Variants in PFKFB3 observed in about 807,000 individuals in gnomAD.
PFKFB3 encodes 6-phosphofructo-2-kinase/fructose-2,6-biphosphatase 3.
A neutral mutation model predicts 68.0 loss-of-function variants in PFKFB3; 33 were observed. That is an observed-to-expected ratio of 0.49 (90% CI 0.37 to 0.65). The LOEUF (loss-of-function observed/expected upper bound fraction) is 0.65. Among genes scored for constraint, PFKFB3 ranks in the 30% least tolerant of loss-of-function variants. PFKFB3 has a pLI of 0.00. For missense variants in PFKFB3, 586 were observed against 712.2 expected, an observed-to-expected ratio of 0.82 and a Z score of 2.02; for synonymous variants, 315 against 288.2, an observed-to-expected ratio of 1.09 and a Z score of -0.94.
At chr10:6,188,865 C>A (rs1042212920) in intron 1 of PFKFB3, among the ~76,000 whole-genome samples, 7 of 140,300 alleles carry the variant, frequency 5.0e-5, no homozygotes, top group Non-Finnish European at 1.1e-4. Context: ...GACGGAGTCT[C>A]GCTCTGTCCC....
the PFKFB3 span, chr10:6,293,852 C>T: frequency 2.0e-5 from 8 of 397,240 alleles, 1 homozygote; most frequent in South Asian, 1.8e-4. Context: ...CTCAGACCAA[C>T]CAATAAGGTT....
rs562609481 is a variant in PFKFB3 at position 6,210,567 on chromosome 10, C to T, written c.77-3056C>T. On this transcript the variant is annotated intron_variant, in intron 1 of 14. Transcript: ENST00000379775. ...AATAGACGGGGTTTCGCCATGTTAG[C>T]CAGGATAGTCTTGATAGTGTTTTTA... is the stretch of plus-strand genomic sequence containing the variant. Among the ~76,000 whole-genome samples the T allele has an allele frequency of 6.9e-5, 5 of 72,246 alleles. 1 individual carries two copies. Among genetic ancestry groups the T allele is most frequent in the Admixed American group, 6.0e-4 (4 of 6,620 alleles). The allele number at this position is 72,246 out of a possible 152,430, so 47.4% of individuals were successfully genotyped here.
intron 2 of PFKFB3, among the ~76,000 whole-genome samples, chr10:6,214,988 G>A (rs1027372871): frequency 1.6e-4 from 25 of 152,242 alleles, no homozygotes; most frequent in African/African-American, 6.0e-4. Flanking sequence ...GTGTCGCAGA[G>A]CATGCGGCAG....
chr10:6,166,699 T>C (rs1166278261), intron 1 of PFKFB3, among the ~76,000 whole-genome samples: 2 of 152,176 alleles, frequency 1.3e-5, no homozygotes, highest in African/African-American at 4.8e-5. Context: ...ATTGCCCCTT[T>C]AACAAGGGGC....
chr10:6,238,684 CCA>C (rs537124311), downstream of PFKFB3, among the ~76,000 whole-genome samples: 44 of 151,856 alleles, frequency 2.9e-4, no homozygotes, highest in African/African-American at 1.0e-3. Flanking sequence ...AAGCTAGTAC[CCA>C]TTAGTTATTT....
At chr10:6,222,652 C>G in intron 10 of PFKFB3, 2 of 457,390 alleles carry the variant, frequency 4.4e-6, no homozygotes, top group South Asian at 5.6e-5. Flanking sequence ...CAGGTTCCCC[C>G]GTGTGGGAGC....
chr10:6,257,545 T>A (rs11257602), downstream of PFKFB3, among the ~76,000 whole-genome samples: 3,442 of 152,116 alleles, frequency 0.023, 65 homozygotes, highest in Non-Finnish European at 0.038. Flanking sequence ...GAGGACCCTG[T>A]TGTAGGATTA....
Position 6,210,048 on chromosome 10 carries a change from G to A in PFKFB3, c.77-3575G>A, listed in dbSNP as rs369374008. The stretch of plus-strand genomic sequence containing the variant: ...ATTACAGGCGTGAGCCACCGTGCCC[G>A]GCCTAATACTTATCTTTTCTAATCA... On this transcript the variant is annotated intron_variant, in intron 1 of 14. Transcript: ENST00000379775. Among the ~76,000 whole-genome samples the A allele has an allele frequency of 1.5e-4, 19 of 122,964 alleles. 1 individual carries two copies. Among genetic ancestry groups the A allele is most frequent in the African/African-American group, 4.6e-4 (18 of 39,414 alleles). The allele number at this position is 122,964 out of a possible 152,430, so 80.7% of individuals were successfully genotyped here.
chr10:6,223,924 A>G (rs766651053), intron 11 of PFKFB3, 34 bp from the exon 12 acceptor site: 1 of 1,601,126 alleles, frequency 6.2e-7, no homozygotes, highest in Non-Finnish European at 8.6e-7. Context: ...GCCGTGTCTC[A>G]TTTCTAACTG....
At chr10:6,203,798 C>T (rs1338934096) in intron 1 of PFKFB3, among the ~76,000 whole-genome samples, 1 of 152,242 alleles carries the variant, frequency 6.6e-6, no homozygotes, top group Admixed American at 6.5e-5. Context: ...CCTCGCTTCA[C>T]TTAATAACCT....
In PFKFB3 at chr10:6,226,350, G is replaced by A. The variant is rs201949985; in HGVS notation, c.1500G>A (p.Thr500=). ...LPSCLPPEVP[T]QLPGQNMKGS... is the part of the protein sequence containing the mutation. ...GCTGCCTGCCCCCGGAGGTGCCCACGCAGCTGCCTGGACAAGTCAGTGCAC... is the reference window on the plus strand; with the variant it reads ...GCTGCCTGCCCCCGGAGGTGCCCACACAGCTGCCTGGACAAGTCAGTGCAC... The change falls in exon 14 of 15, where the codon ACG becomes ACA. Residue 500 remains threonine, a synonymous_variant. Transcript: ENST00000379775. 63 of 1,612,786 alleles carry A rather than the reference G, an allele frequency of 3.9e-5. No individual in the cohort carries two copies. The highest frequency in any genetic ancestry group is 1.3e-4 in the East Asian group (6 of 44,872).
chr10:6,259,644 A>G (rs1038359404), downstream of PFKFB3, among the ~76,000 whole-genome samples: 1 of 152,006 alleles, frequency 6.6e-6, no homozygotes, highest in Non-Finnish European at 1.5e-5. Context: ...CCGTCCATCC[A>G]TCCATCCTTC....
chr10:6,148,920 A>G (rs969897251), intron 1 of PFKFB3, among the ~76,000 whole-genome samples: 3 of 152,064 alleles, frequency 2.0e-5, no homozygotes, highest in African/African-American at 7.2e-5. Context: ...TCTACCAAAA[A>G]AATTAAAAAT....
rs1441636366 is a variant in PFKFB3, at chr10:6,215,288, C to A, written c.270C>A (p.Pro90=). Residue 90 remains proline (P), a synonymous_variant, in exon 3 of 15, where the codon CCC becomes CCA. Coordinates refer to ENST00000379775, the MANE Select transcript of PFKFB3 (RefSeq NM_004566.4). This position sits in a 1 kb window ranked among gnomAD's most constrained non-coding sequence, Gnocchi z 4.3. The stretch of plus-strand genomic sequence containing the variant: ...ACAGCTCCTACAACTTCTTCCGCCC[C>A]GACAATGAGGAAGCCATGAAAGTCC... The part of the protein sequence containing the change: ...KQYSSYNFFR[P]DNEEAMKVRK... The A allele has an allele frequency of 6.2e-7, 1 of 1,613,868 alleles. No individual in the cohort carries two copies.
At chr10:6,245,645 G>A (rs117060425) in intron 14 of PFKFB3, 6,067 of 152,088 alleles carry the variant, frequency 0.04, 173 homozygotes, top group Non-Finnish European at 0.062. Context: ...GTCCAGGCTG[G>A]TCTCAAACTC....
rs1845551183 is a variant in PFKFB3, at chr10:6,228,987, G to GC, written c.1515+2624dup. The GC allele has an allele frequency of 2.3e-6, 1 of 435,362 alleles. No individual in the cohort carries two copies. Among genetic ancestry groups the GC allele is most frequent in the Non-Finnish European group, 4.8e-6 (1 of 206,658 alleles). The allele number at this position is 435,362 out of a possible 1,614,324, so 27.0% of individuals were successfully genotyped here. Reference sequence around the variant, plus strand: ...GATCCCTTCCCCACCAGGAGCAGAGGCCTTCCTGCCACAGAACTTTAATGA... The same window carrying GC: ...GATCCCTTCCCCACCAGGAGCAGAGGCCCTTCCTGCCACAGAACTTTAATGA... On this transcript the variant is annotated intron_variant, in intron 14 of 14. Coordinates refer to ENST00000379775, the MANE Select transcript of PFKFB3 (RefSeq NM_004566.4). This position sits in a 1 kb window ranked among gnomAD's most constrained non-coding sequence, Gnocchi z 4.5.
intron 1 of PFKFB3, among the ~76,000 whole-genome samples, chr10:6,164,841 A>G (rs182136470): frequency 1.2e-3 from 179 of 152,296 alleles, no homozygotes; most frequent in Admixed American, 2.5e-3. Flanking sequence ...AGCAAAGAGT[A>G]ACAGAGCAGT....
At position 6,230,785 on chromosome 10, in the gene PFKFB3, G is replaced by T. The variant is rs181198076; in HGVS notation, c.1516-2110G>T. Among the ~76,000 whole-genome samples, 1,156 of 151,380 alleles carry T rather than the reference G, an allele frequency of 7.6e-3. 13 individuals are homozygous for T. Among genetic ancestry groups the T allele is most frequent in the African/African-American group, 0.027 (1,120 of 41,174 alleles). ...GGCTGGAGTGCAGTGGCGCGATCTT[G>T]GCTCACTGCAACCTCCTTCTCCCGG... On this transcript the variant is annotated intron_variant, in intron 14 of 14. Transcript: ENST00000379775.
At chr10:6,177,388 C>A (rs949421426) in intron 1 of PFKFB3, among the ~76,000 whole-genome samples, 5 of 64,404 alleles carry the variant, frequency 7.8e-5, no homozygotes, top group African/African-American at 1.8e-4. Flanking sequence ...TTCTTTCTTT[C>A]TTTCTTTCTT....
Sources: allele counts gnomAD v4.1 joint callset (sites outside exome capture counted in the v4.1 genomes callset), GRCh38; gene constraint gnomAD v4.1.1; non-coding constraint Gnocchi (gnomAD v3.1); transcripts MANE v1.5; gene names NCBI Gene and HGNC (gene_info 2026-07-23, HGNC 2026-07-21).